Variants in CCDC102B observed in about 807,000 individuals in gnomAD.
CCDC102B encodes the protein coiled-coil domain containing 102B, also known as coiled-coil domain-containing protein 102B.
CCDC102B carries 75 observed loss-of-function variants against 57.4 expected under a neutral mutation model. That is an observed-to-expected ratio of 1.31 (90% CI 1.08 to 1.58). The LOEUF (loss-of-function observed/expected upper bound fraction) is 1.58. CCDC102B is among the 40% of genes most tolerant of loss of function. The pLI is 0.00. For missense variants in CCDC102B, 636 were observed against 582.6 expected, an observed-to-expected ratio of 1.09 and a Z score of -0.94; for synonymous variants, 206 against 201.9, an observed-to-expected ratio of 1.02 and a Z score of -0.17.
chr18:68,843,970 T>C (rs2037745213), intron 3 of CCDC102B, among the ~76,000 whole-genome samples: 1 of 151,332 alleles, frequency 6.6e-6, no homozygotes, highest in African/African-American at 2.4e-5. Context: ...ATCTAAATAC[T>C]AAAAAAAAAT....
intron 6 of CCDC102B, among the ~76,000 whole-genome samples, chr18:68,963,810 T>C (rs1473150579): frequency 6.6e-6 from 1 of 151,882 alleles, no homozygotes; most frequent in African/African-American, 2.4e-5. Flanking sequence ...TATATATGTA[T>C]GTATGTATGT....
chr18:68,731,285 A>C lies in CCDC102B; in HGVS notation c.-67+14691A>C, dbSNP rs375242102. ...AGAGGTGAGCCACCACATAGATTTA[A>C]TGTATTTGAGTTAACCATAAGTATT... On this transcript the variant is annotated intron_variant, in intron 2 of 3. Transcript: ENST00000578970. Among the ~76,000 whole-genome samples, 3 of 152,162 alleles carry C rather than the reference A, an allele frequency of 2.0e-5. No homozygotes were observed. In the East Asian group the frequency reaches 5.8e-4, roughly 29 times the overall value.
intron 7 of CCDC102B, among the ~76,000 whole-genome samples, chr18:69,051,090 G>T (rs1342601644): frequency 6.6e-6 from 1 of 152,056 alleles, no homozygotes; most frequent in Non-Finnish European, 1.5e-5. Flanking sequence ...CCACTACATT[G>T]TCCAGGCAGG....
At chr18:68,893,025 A>G (rs2040131482) in intron 5 of CCDC102B, among the ~76,000 whole-genome samples, 1 of 152,238 alleles carries the variant, frequency 6.6e-6, no homozygotes, top group Admixed American at 6.5e-5. Flanking sequence ...CATATAGTGC[A>G]TTCTTTTGGG....
intron 2 of CCDC102B, chr18:68,734,782 T>C (rs2033050859): frequency 1.3e-5 from 2 of 152,256 alleles, no homozygotes; most frequent in Non-Finnish European, 2.9e-5. Context: ...AGTTGTTCTT[T>C]TAAATTCTCT....
chr18:68,843,956 G>A (rs1273947618), intron 3 of CCDC102B, among the ~76,000 whole-genome samples: 1 of 127,770 alleles, frequency 7.8e-6, no homozygotes, highest in Admixed American at 8.3e-5. Flanking sequence ...TTTATGATGG[G>A]GCTATCTAAA....
At chr18:68,953,671 A>G (rs1361197399) in intron 6 of CCDC102B, among the ~76,000 whole-genome samples, 7 of 152,110 alleles carry the variant, frequency 4.6e-5, no homozygotes, top group Non-Finnish European at 1.0e-4. Flanking sequence ...ACACTGGAAA[A>G]TTTGAGAGAA....
chr18:68,943,477 G>A (rs947634323), intron 6 of CCDC102B, among the ~76,000 whole-genome samples: 5 of 151,970 alleles, frequency 3.3e-5, no homozygotes, highest in African/African-American at 9.7e-5. Context: ...CTGTGTTATG[G>A]CTATTGTAAA....
intron 2 of CCDC102B, among the ~76,000 whole-genome samples, chr18:68,746,389 A>C (rs1386919096): frequency 6.6e-6 from 1 of 152,178 alleles, no homozygotes; most frequent in Non-Finnish European, 1.5e-5. Context: ...AAGGGCTGCC[A>C]GAAGATTTAT....
Position 68,743,673 on chromosome 18 carries a change from A to G in CCDC102B, c.-67+27079A>G, listed in dbSNP as rs531429659. The stretch of plus-strand genomic sequence containing the variant: ...TCTATGGAGTCTTGTCCTTTCAGAT[A>G]CATGAACTCCTGAAATCTTTGGAGA... On this transcript the variant is annotated intron_variant, in intron 2 of 3. Coordinates refer to the CCDC102B transcript ENST00000578970. Among the ~76,000 whole-genome samples the G allele has an allele frequency of 3.3e-5, 5 of 152,286 alleles. No homozygotes were observed. In the East Asian group the frequency reaches 9.7e-4, roughly 29 times the overall value.
chr18:68,827,404 T>A (rs2036947249), intron 1 of CCDC102B, among the ~76,000 whole-genome samples: 1 of 152,122 alleles, frequency 6.6e-6, no homozygotes, highest in South Asian at 2.1e-4. Context: ...AAGTTTTCCA[T>A]ACTTCACTTG....
At chr18:68,950,899 T>A (rs2145195698) in intron 6 of CCDC102B, among the ~76,000 whole-genome samples, 2 of 152,278 alleles carry the variant, frequency 1.3e-5, no homozygotes, top group East Asian at 3.9e-4. Context: ...AAACTGTGGA[T>A]GTAAGATATG....
chr18:68,875,272 C>T (rs914791192), intron 5 of CCDC102B, among the ~76,000 whole-genome samples: 1 of 152,120 alleles, frequency 6.6e-6, no homozygotes, highest in African/African-American at 2.4e-5. Flanking sequence ...CTCCTGCCAC[C>T]ACCAACAATA....
chr18:68,788,152 T>C (rs895532205), intron 2 of CCDC102B, among the ~76,000 whole-genome samples: 5 of 152,196 alleles, frequency 3.3e-5, no homozygotes, highest in African/African-American at 1.2e-4. Flanking sequence ...AGTGAGATTC[T>C]TAATCCTGAG....
intron 6 of CCDC102B, among the ~76,000 whole-genome samples, chr18:68,992,402 A>G (rs1196341273): frequency 6.6e-6 from 1 of 152,142 alleles, no homozygotes; most frequent in Non-Finnish European, 1.5e-5. Context: ...TGAACCCCAC[A>G]TGGCCATTCC....
intron 2 of CCDC102B, among the ~76,000 whole-genome samples, chr18:68,768,795 A>G (rs1001637697): frequency 2.6e-5 from 4 of 152,152 alleles, no homozygotes; most frequent in African/African-American, 9.6e-5. Context: ...TATGCACTGA[A>G]CATATAAGAT....
chr18:68,876,288 T>A (rs2039444467), intron 5 of CCDC102B, among the ~76,000 whole-genome samples: 1 of 152,160 alleles, frequency 6.6e-6, no homozygotes, highest in Non-Finnish European at 1.5e-5. Context: ...TGGACTTGCC[T>A]TCAGAGAACA....
intron 2 of CCDC102B, among the ~76,000 whole-genome samples, chr18:68,838,032 A>G (rs2037462408): frequency 6.6e-6 from 1 of 152,194 alleles, no homozygotes; most frequent in Non-Finnish European, 1.5e-5. Flanking sequence ...ATTCATTGAG[A>G]TTTTATTTGA....
chr18:68,982,115 C>G (rs1415956203), intron 6 of CCDC102B, among the ~76,000 whole-genome samples: 1 of 151,914 alleles, frequency 6.6e-6, no homozygotes, highest in African/African-American at 2.4e-5. Flanking sequence ...TCAATCCTGT[C>G]TGTCAAAGTC....
Sources: gnomAD v4.1 joint callset for allele counts (sites outside exome capture counted in the v4.1 genomes callset) on GRCh38, gnomAD v4.1.1 for gene constraint, MANE v1.5 for transcripts, NCBI Gene and HGNC (gene_info 2026-07-23, HGNC 2026-07-21) for gene names.